The following KIF26B variants were observed in gnomAD, a reference collection of about 807,000 sequenced individuals.
The protein encoded by KIF26B is kinesin family member 26B.
Under a neutral mutation model 151.2 loss-of-function variants are expected in KIF26B, and 63 were observed. The ratio of observed to expected loss-of-function variants is 0.42; its 90% CI spans 0.34 to 0.51. The LOEUF (loss-of-function observed/expected upper bound fraction) is 0.51, where lower values mean the gene tolerates loss of function less well. Ranked by LOEUF, KIF26B falls within the 20% of genes least tolerant of loss-of-function variation. The pLI is 0.07. For missense variants in KIF26B, 2,813 were observed against 2,913.6 expected (o/e 0.97, Z 0.79); for synonymous variants, 1,357 against 1,262.1 (o/e 1.08, Z -1.59).
chr1:245,577,273 CT>C (rs1331150768), intron 5 of KIF26B, among the ~76,000 whole-genome samples: 2 of 152,132 alleles, frequency 1.3e-5, no homozygotes, highest in Non-Finnish European at 2.9e-5. Flanking sequence ...CTTCTATCCT[CT>C]GGATGCCAGT....
chr1:245,623,768 C>T (rs918413174), intron 9 of KIF26B, among the ~76,000 whole-genome samples: 1 of 152,150 alleles, frequency 6.6e-6, no homozygotes, highest in Non-Finnish European at 1.5e-5. Context: ...TTAATGTTTA[C>T]GTTGGGTCCT....
intron 5 of KIF26B, among the ~76,000 whole-genome samples, chr1:245,593,921 A>G (rs1025334797): frequency 2.6e-5 from 4 of 152,218 alleles, no homozygotes; most frequent in Non-Finnish European, 4.4e-5. Context: ...CCTAATGACC[A>G]GTGATGATGA....
At chr1:245,460,938 G>A (rs1440378172) in intron 4 of KIF26B, among the ~76,000 whole-genome samples, 1 of 152,230 alleles carries the variant, frequency 6.6e-6, no homozygotes, top group Non-Finnish European at 1.5e-5. Context: ...TGCAAATAGT[G>A]ACCGAAAACA....
intron 2 of KIF26B, among the ~76,000 whole-genome samples, chr1:245,221,791 G>A (rs1235946449): frequency 6.6e-6 from 1 of 152,232 alleles, no homozygotes; most frequent in Non-Finnish European, 1.5e-5. Context: ...GTATTTGTGA[G>A]ATTCAGTTCT....
chr1:245,293,937 T>G (rs1206583947), intron 2 of KIF26B, among the ~76,000 whole-genome samples: 1 of 152,222 alleles, frequency 6.6e-6, no homozygotes, highest in Non-Finnish European at 1.5e-5. Context: ...TCATTTTGCT[T>G]TGTCTTCTTG....
intron 10 of KIF26B, among the ~76,000 whole-genome samples, chr1:245,677,052 TAA>T (rs948541872): frequency 1.3e-5 from 2 of 152,208 alleles, no homozygotes; most frequent in African/African-American, 4.8e-5. Context: ...CAGTGTTTCA[TAA>T]AAAGAGATCG....
At chr1:245,357,318 C>T (rs1378204072) in intron 2 of KIF26B, among the ~76,000 whole-genome samples, 7 of 152,134 alleles carry the variant, frequency 4.6e-5, no homozygotes, top group Admixed American at 2.0e-4. Flanking sequence ...AATTATGGCA[C>T]GGTTTCTGCC....
chr1:245,647,357 G>A (rs1028990638), intron 10 of KIF26B, among the ~76,000 whole-genome samples: 5 of 148,876 alleles, frequency 3.4e-5, no homozygotes, highest in African/African-American at 5.0e-5. Flanking sequence ...ACCAGGAGGC[G>A]GAGCTTGCAG....
intron 12 of KIF26B, among the ~76,000 whole-genome samples, chr1:245,695,817 TTTA>T (rs2044686139): frequency 3.5e-5 from 1 of 28,308 alleles, no homozygotes. Context: ...TCCAGGTGTT[TTTA>T]CCTTCTCTAC....
chr1:245,520,595 T>C lies in KIF26B; in HGVS notation c.1167-20172T>C, dbSNP rs12731317. On this transcript the variant is annotated intron_variant, in intron 4 of 14. Transcript: ENST00000407071. ...ATCCATCCATCCATCCATCCATCCA[T>C]CCATCCACCCACCCACCCATCCATC... Among the ~76,000 whole-genome samples, 112 of 116,484 alleles carry C rather than the reference T, an allele frequency of 9.6e-4. 1 individual carries two copies. Among genetic ancestry groups the C allele is most frequent in the African/African-American group, 1.9e-3 (65 of 33,438 alleles). 76.4% of individuals were successfully genotyped at this position (116,484 alleles called of 152,430 possible).
intron 12 of KIF26B, among the ~76,000 whole-genome samples, chr1:245,696,025 C>T (rs1182754825): frequency 6.6e-6 from 1 of 152,264 alleles, no homozygotes; most frequent in Non-Finnish European, 1.5e-5. Flanking sequence ...TTATCCAAGA[C>T]ATTTTCCCAT....
chr1:245,300,419 C>T (rs534624597), intron 2 of KIF26B, among the ~76,000 whole-genome samples: 155 of 152,322 alleles, frequency 1.0e-3, no homozygotes, highest in African/African-American at 3.4e-3. Flanking sequence ...CAACTCATTA[C>T]TTCTACCTCT....
rs982467798 is a variant in KIF26B at position 245,572,164 on chromosome 1, C to T, written c.1351-30413C>T. Among the ~76,000 whole-genome samples the T allele has an allele frequency of 6.6e-6, 1 of 152,216 alleles. No homozygotes were observed. Among genetic ancestry groups the T allele is most frequent in the Non-Finnish European group, 1.5e-5 (1 of 68,038 alleles). ...ACCTGCCCCAACAGAGACAGGCTGA[C>T]TCTTACTACGTGGCCGTAGGAATGG... is the stretch of plus-strand genomic sequence containing the variant. On this transcript the variant is annotated intron_variant, in intron 5 of 14. Coordinates refer to ENST00000407071, the MANE Select transcript of KIF26B (RefSeq NM_018012.4). This position sits in a 1 kb window ranked among gnomAD's most constrained non-coding sequence, Gnocchi z 4.2.
At chr1:245,552,124 T>G (rs964803070) in intron 5 of KIF26B, among the ~76,000 whole-genome samples, 46 of 42,444 alleles carry the variant, frequency 1.1e-3, no homozygotes, top group South Asian at 3.9e-3. Context: ...ACCAGCAGGG[T>G]GTGTGTGTGT....
chr1:245,520,668 T>C (rs1254836631), intron 4 of KIF26B, among the ~76,000 whole-genome samples: 3 of 149,202 alleles, frequency 2.0e-5, no homozygotes, highest in Non-Finnish European at 4.4e-5. Flanking sequence ...ATCCATTCTG[T>C]AAGTGTTTAT....
chr1:245,702,187 C>CCA lies in KIF26B; in HGVS notation c.6179-271_6179-270insCA, dbSNP rs2044781869. On this transcript the variant is annotated intron_variant, in intron 14 of 14. Transcript: ENST00000407071. This position sits in a 1 kb window ranked among gnomAD's most constrained non-coding sequence, Gnocchi z 4.1. ...GGGATCCATCCTGGATCCTCCATGG[C>CCA]TGGAGGTAGGGGGAGCTAGAATGTC... 2.6e-5 allele frequency among the ~76,000 whole-genome samples: 4 copies of CCA among 152,258 alleles called. No homozygotes were observed. The highest frequency in any genetic ancestry group is 2.0e-4 in the Admixed American group (3 of 15,294).
At chr1:245,320,085 C>T (rs1204985553) in intron 2 of KIF26B, among the ~76,000 whole-genome samples, 1 of 152,172 alleles carries the variant, frequency 6.6e-6, no homozygotes, top group East Asian at 1.9e-4. Context: ...GTGAGGTCAG[C>T]CAGCTATTGT....
intron 5 of KIF26B, among the ~76,000 whole-genome samples, chr1:245,579,034 G>GGAA (rs1553291340): frequency 6.6e-6 from 1 of 151,846 alleles, no homozygotes; most frequent in Non-Finnish European, 1.5e-5. Flanking sequence ...ATTGCTTTAG[G>GGAA]GAAAAAAAGT....
intron 4 of KIF26B, among the ~76,000 whole-genome samples, chr1:245,450,481 C>A (rs998980732): frequency 6.6e-6 from 1 of 152,176 alleles, no homozygotes; most frequent in African/African-American, 2.4e-5. Flanking sequence ...CTCAAAGAGC[C>A]TTTCTATAAG....
Sources: allele counts gnomAD v4.1 joint callset (sites outside exome capture counted in the v4.1 genomes callset), GRCh38; gene constraint gnomAD v4.1.1; non-coding constraint Gnocchi (gnomAD v3.1); transcripts MANE v1.5; gene names NCBI Gene and HGNC (gene_info 2026-07-23, HGNC 2026-07-21).